ANGPT4: variants seen among roughly 807,000 people sequenced by gnomAD.
ANGPT4 encodes angiopoietin-4.
In ANGPT4, 50 loss-of-function variants were observed where a neutral mutation model predicts 53.0. That is an observed-to-expected ratio of 0.94 (90% confidence interval 0.75 to 1.20). The LOEUF (loss-of-function observed/expected upper bound fraction) is 1.20. Among genes scored for constraint, ANGPT4 ranks in the 50% most tolerant of loss-of-function variants. ANGPT4 has a pLI of 0.00. For synonymous variants in ANGPT4, 251 were observed against 259.7 expected, an observed-to-expected ratio of 0.97 and a Z score of 0.32; for missense variants, 648 against 637.1, an observed-to-expected ratio of 1.02 and a Z score of -0.18.
At chr20:893,733 C>T (rs1034082653) in intron 1 of ANGPT4, among the ~76,000 whole-genome samples, 3 of 152,162 alleles carry the variant, frequency 2.0e-5, no homozygotes, top group Non-Finnish European at 2.9e-5. Flanking sequence ...CCCCATGCTT[C>T]GAAATCTTTC....
chr20:874,223 T>C, intron 8 of ANGPT4, 61 bp downstream of exon 8: 3 of 1,600,594 alleles, frequency 1.9e-6, no homozygotes, highest in Non-Finnish European at 2.6e-6. Flanking sequence ...GGGGAGGGAA[T>C]GGGAGTGTCA....
chr20:911,337 C>G lies in ANGPT4; in HGVS notation c.309+4569G>C, dbSNP rs538606428. 2.0e-5 allele frequency among the ~76,000 whole-genome samples: 3 copies of G among 152,298 alleles called. No individual in the cohort carries two copies. Among genetic ancestry groups the G allele is most frequent in the Admixed American group, 6.5e-5 (1 of 15,306 alleles). On this transcript the variant is annotated intron_variant, in intron 1 of 8. Coordinates refer to ENST00000381922, the MANE Select transcript of ANGPT4 (RefSeq NM_015985.4). The surrounding 1 kb of genome is among the most constrained non-coding windows in gnomAD (Gnocchi z 4.9). Reference sequence around the variant, plus strand: ...GGGAGGCCCCTGCCCAGCCCCTGACCCCTCTCTGCTTGGCTTTGGGTGCAG... The same window carrying G: ...GGGAGGCCCCTGCCCAGCCCCTGACGCCTCTCTGCTTGGCTTTGGGTGCAG...
At chr20:913,204 T>A (rs1208903477) in intron 1 of ANGPT4, among the ~76,000 whole-genome samples, 1 of 151,974 alleles carries the variant, frequency 6.6e-6, no homozygotes, top group Non-Finnish European at 1.5e-5. Flanking sequence ...TTTTCTGAGA[T>A]GTTAGAGAAA....
rs1982689730 is a variant in ANGPT4 at position 911,384 on chromosome 20, C to T, written c.309+4522G>A. On this transcript the variant is annotated intron_variant, in intron 1 of 8. Coordinates refer to ENST00000381922, the MANE Select transcript of ANGPT4 (RefSeq NM_015985.4). This position sits in a 1 kb window ranked among gnomAD's most constrained non-coding sequence, Gnocchi z 4.9. ...GCAGAGGAGGAAGAGAAAGAGGCCT[C>T]GGCTGAGCAGCCAGCTGCAGGGTGG... is the stretch of plus-strand genomic sequence containing the variant. Among the ~76,000 whole-genome samples the T allele has an allele frequency of 6.6e-6, 1 of 152,186 alleles. No individual in the cohort carries two copies. Among genetic ancestry groups the T allele is most frequent in the Non-Finnish European group, 1.5e-5 (1 of 68,034 alleles).
intron 4 of ANGPT4, among the ~76,000 whole-genome samples, chr20:882,126 C>A (rs150199140): frequency 6.6e-6 from 1 of 152,298 alleles, no homozygotes; most frequent in African/African-American, 2.4e-5. Flanking sequence ...TCCCTTGAAG[C>A]TGACTGCTGG....
At chr20:873,389 C>T (rs746296066) in intron 8 of ANGPT4, among the ~76,000 whole-genome samples, 3 of 152,010 alleles carry the variant, frequency 2.0e-5, no homozygotes, top group Non-Finnish European at 2.9e-5. Flanking sequence ...GAGCCCTTGG[C>T]GTCCCTGTCT....
chr20:888,247 C>T, intron 3 of ANGPT4, 71 bp downstream of exon 3: 2 of 1,536,198 alleles, frequency 1.3e-6, no homozygotes, highest in Non-Finnish European at 1.7e-6. Context: ...GGCTCTGGTG[C>T]CTGCCCTAGG....
chr20:913,005 G>T (rs1483328415), intron 1 of ANGPT4, among the ~76,000 whole-genome samples: 1 of 152,142 alleles, frequency 6.6e-6, no homozygotes, highest in Non-Finnish European at 1.5e-5. Context: ...GGGAACAGGA[G>T]GGGAGTTGGG....
At chr20:894,686 T>C (rs1419755427) in intron 1 of ANGPT4, among the ~76,000 whole-genome samples, 1 of 152,158 alleles carries the variant, frequency 6.6e-6, no homozygotes, top group South Asian at 2.1e-4. Flanking sequence ...CTGCTCCAAG[T>C]AGTCAAACAG....
chr20:915,420 T>A (rs1414363836), intron 1 of ANGPT4, among the ~76,000 whole-genome samples: 1 of 152,158 alleles, frequency 6.6e-6, no homozygotes, highest in East Asian at 1.9e-4. Context: ...AATACCTGCC[T>A]GGCCCACTCT....
intron 1 of ANGPT4, among the ~76,000 whole-genome samples, chr20:896,748 T>C (rs1412132323): frequency 6.6e-6 from 1 of 152,188 alleles, no homozygotes; most frequent in Non-Finnish European, 1.5e-5. Flanking sequence ...TCTGAGCCTT[T>C]TCTCTAAAAT....
At chr20:915,268 A>C (rs1982882048) in intron 1 of ANGPT4, among the ~76,000 whole-genome samples, 2 of 146,342 alleles carry the variant, frequency 1.4e-5, no homozygotes, top group African/African-American at 2.6e-5. Flanking sequence ...CACCTCTCAG[A>C]CCTCCCCGCA....
chr20:873,089 G>GT lies in ANGPT4; in HGVS notation c.1382dup (p.Asn461LysfsTer79). ...GAGCGTGGTAGTAGACGCCGTTGAG[G>GT]TTTGACAGGCCACAGGCGTCAAACC... On this transcript the variant is annotated frameshift_variant, in exon 9 of 9. Coordinates refer to ENST00000381922, the MANE Select transcript of ANGPT4 (RefSeq NM_015985.4). LOFTEE classifies it low-confidence loss of function (END_TRUNC). The GT allele has an allele frequency of 6.2e-7, 1 of 1,613,960 alleles. No homozygotes were observed.
rs1352609774 is a variant in ANGPT4 at position 914,352 on chromosome 20, G to C, written c.309+1554C>G. On this transcript the variant is annotated intron_variant, in intron 1 of 8. Coordinates refer to ENST00000381922, the MANE Select transcript of ANGPT4 (RefSeq NM_015985.4). The surrounding 1 kb of genome is among the most constrained non-coding windows in gnomAD (Gnocchi z 5.0). ...CGGGGAGGACAAGGAGGGCCTCTGG[G>C]GAGATGGCGCTGGAGAGGATAGGAG... Among the ~76,000 whole-genome samples the C allele has an allele frequency of 6.6e-6, 1 of 152,164 alleles. No individual in the cohort carries two copies. Among genetic ancestry groups the C allele is most frequent in the African/African-American group, 2.4e-5 (1 of 41,422 alleles).
intron 1 of ANGPT4, among the ~76,000 whole-genome samples, chr20:900,898 G>A (rs778574452): frequency 1.1e-4 from 16 of 151,780 alleles, no homozygotes; most frequent in African/African-American, 2.2e-4. Context: ...TCTCTTATTC[G>A]GACCTTGTGA....
At chr20:889,698 C>T (rs2122803511) in intron 2 of ANGPT4, among the ~76,000 whole-genome samples, 1 of 152,250 alleles carries the variant, frequency 6.6e-6, no homozygotes, top group Admixed American at 6.5e-5. Context: ...CCAGTCTTCT[C>T]AAGCAGTGCC....
Position 914,953 on chromosome 20 carries a change from C to T in ANGPT4, c.309+953G>A, listed in dbSNP as rs1344817873. On this transcript the variant is annotated intron_variant, in intron 1 of 8. Transcript: ENST00000381922. This position sits in a 1 kb window ranked among gnomAD's most constrained non-coding sequence, Gnocchi z 5.0. ...ATCCTCAGCTCCTTGCTTCCTCCCA[C>T]TCCGCATCCAATTCACCAGCAGAGC... Among the ~76,000 whole-genome samples the T allele has an allele frequency of 6.6e-6, 1 of 152,172 alleles. No homozygotes were observed. Among genetic ancestry groups the T allele is most frequent in the East Asian group, 1.9e-4 (1 of 5,188 alleles).
At chr20:874,507 G>A (rs1981084408) in intron 7 of ANGPT4, 93 bp from the exon 8 acceptor site, 3 of 1,535,148 alleles carry the variant, frequency 2.0e-6, no homozygotes, top group Admixed American at 1.8e-5. Context: ...TTTGTCCCAG[G>A]CTGGGCTTCC....
intron 1 of ANGPT4, among the ~76,000 whole-genome samples, chr20:904,327 G>A (rs1265083578): frequency 6.6e-6 from 1 of 152,144 alleles, no homozygotes; most frequent in Non-Finnish European, 1.5e-5. Context: ...AAAAACCTCA[G>A]CTTGCCATTC....
Sources: allele counts gnomAD v4.1 joint callset (sites outside exome capture counted in the v4.1 genomes callset), GRCh38; gene constraint gnomAD v4.1.1; non-coding constraint Gnocchi (gnomAD v3.1); transcripts MANE v1.5; gene names NCBI Gene and HGNC (gene_info 2026-07-23, HGNC 2026-07-21).